The following DEK variants were observed in gnomAD, a reference collection of about 807,000 sequenced individuals.
DEK encodes the protein DEK proto-oncogene.
A neutral mutation model predicts 46.8 loss-of-function variants in DEK; 28 were observed. The ratio of observed to expected loss-of-function variants is 0.60; its 90% confidence interval spans 0.44 to 0.82. The LOEUF (loss-of-function observed/expected upper bound fraction) is 0.82. Among genes scored for constraint, DEK ranks in the 40% least tolerant of loss-of-function variants. The pLI is 0.00. For synonymous variants in DEK, 160 were observed against 144.5 expected, an observed-to-expected ratio of 1.11 and a Z score of -0.77; for missense variants, 416 against 430.6, an observed-to-expected ratio of 0.97 and a Z score of 0.30.
chr6:18,239,221 G>C (rs1260489758), intron 7 of DEK, among the ~76,000 whole-genome samples: 1 of 152,008 alleles, frequency 6.6e-6, no homozygotes, highest in African/African-American at 2.4e-5. Context: ...ACTGTGCCCG[G>C]CCAAGTCAAC....
chr6:18,263,257 T>C (rs1330977228), intron 2 of DEK, among the ~76,000 whole-genome samples: 5 of 152,222 alleles, frequency 3.3e-5, no homozygotes, highest in Non-Finnish European at 7.3e-5. Context: ...ACATTTAACT[T>C]TCTTTCAGAG....
chr6:18,226,869 C>G (rs776900249), intron 9 of DEK, among the ~76,000 whole-genome samples: 7 of 152,278 alleles, frequency 4.6e-5, no homozygotes, highest in Non-Finnish European at 1.0e-4. Flanking sequence ...ATTCTTCTGC[C>G]TTGAGATGCT....
intron 7 of DEK, among the ~76,000 whole-genome samples, chr6:18,239,357 TTTTTA>T (rs1280943105): frequency 6.9e-5 from 10 of 145,224 alleles, no homozygotes; most frequent in South Asian, 2.2e-4. Context: ...TTTTTTTTTT[TTTTTA>T]AAAAAAAGAG....
chr6:18,245,987 G>C (rs1791097865), intron 7 of DEK, among the ~76,000 whole-genome samples: 1 of 152,248 alleles, frequency 6.6e-6, no homozygotes, highest in East Asian at 1.9e-4. Flanking sequence ...CGTAAGATGG[G>C]TCTTTGCTCC....
chr6:18,229,808 G>T (rs1019537497), intron 9 of DEK, among the ~76,000 whole-genome samples: 1 of 152,140 alleles, frequency 6.6e-6, no homozygotes, highest in Non-Finnish European at 1.5e-5. Context: ...CACTCTTCAG[G>T]ATATTATCCA....
intron 7 of DEK, among the ~76,000 whole-genome samples, chr6:18,248,830 C>T (rs1791236506): frequency 6.6e-6 from 1 of 152,128 alleles, no homozygotes; most frequent in Non-Finnish European, 1.5e-5. Flanking sequence ...TTGGGAATAT[C>T]ACCCACAATT....
chr6:18,239,580 T>C (rs566525239), intron 7 of DEK, among the ~76,000 whole-genome samples: 16 of 152,202 alleles, frequency 1.1e-4, no homozygotes, highest in African/African-American at 3.6e-4. Flanking sequence ...CTGGGAAGCA[T>C]GTAGTTTAAC....
At chr6:18,230,409 C>T (rs886211274) in intron 9 of DEK, among the ~76,000 whole-genome samples, 4 of 152,142 alleles carry the variant, frequency 2.6e-5, no homozygotes, top group African/African-American at 9.7e-5. Flanking sequence ...GGGCTAAATG[C>T]TCCAATTAAA....
intron 6 of DEK, among the ~76,000 whole-genome samples, chr6:18,252,077 G>A (rs1487871343): frequency 6.6e-6 from 1 of 151,828 alleles, no homozygotes; most frequent in Non-Finnish European, 1.5e-5. Flanking sequence ...ATCTCTTTTT[G>A]GAAACAAAAT....
chr6:18,264,038 C>T, intron 1 of DEK, 42 bp from the exon 2 acceptor site: 1 of 1,545,386 alleles, frequency 6.5e-7, no homozygotes, highest in Middle Eastern at 1.8e-4. Context: ...TCCTCCTACT[C>T]CCGCAGGCAG....
At chr6:18,226,007 A>T in intron 10 of DEK, 167 bp downstream of exon 10, 1 of 776,656 alleles carries the variant, frequency 1.3e-6, no homozygotes, top group Non-Finnish European at 1.9e-6. Context: ...CTTTAATTTT[A>T]AGCTTTAAAG....
intron 6 of DEK, among the ~76,000 whole-genome samples, chr6:18,250,337 C>T (rs1268806234): frequency 3.3e-5 from 5 of 151,874 alleles, no homozygotes; most frequent in African/African-American, 7.3e-5. Flanking sequence ...GGCGTGGTGG[C>T]GGGCGCCTGT....
At chr6:18,226,127 TTTGTC>T (rs770929311) in intron 10 of DEK, 42 bp downstream of exon 10, 130 of 1,216,948 alleles carry the variant, frequency 1.1e-4, no homozygotes, top group Non-Finnish European at 1.3e-4. Flanking sequence ...TGTAATTACT[TTTGTC>T]TTATATTTCT....
At chr6:18,251,064 A>C (rs542090590) in intron 6 of DEK, among the ~76,000 whole-genome samples, 1 of 152,230 alleles carries the variant, frequency 6.6e-6, no homozygotes, top group Non-Finnish European at 1.5e-5. Flanking sequence ...CAATAAATTT[A>C]ATTTTTAAGT....
At position 18,225,588 on chromosome 6, in the gene DEK, G is replaced by T; in HGVS notation, c.*131C>A. On this transcript the variant is annotated 3_prime_UTR_variant, in exon 11 of 11. Transcript: ENST00000652689. ...ATTCACATAACACTCAAGATAAAAA[G>T]GTCAGCAGTAAGTTCTACTAACGTT... 1 of 927,990 alleles carries T rather than the reference G, an allele frequency of 1.1e-6. No individual in the cohort carries two copies. The highest frequency in any genetic ancestry group is 1.6e-6 in the Non-Finnish European group (1 of 635,598). 57.5% of individuals were successfully genotyped at this position (927,990 alleles called of 1,614,324 possible).
At position 18,226,179 on chromosome 6, in the gene DEK, T is replaced by C; in HGVS notation, c.1111A>G (p.Lys371Glu). Residue 371 changes from lysine (K) to glutamate (E), a missense_variant, in exon 10 of 11, where the codon AAA (lysine) becomes GAA (glutamate). Transcript: ENST00000652689. Reference protein sequence around the residue: ...ERKDFIKTTVKELIS With the variant: ...ERKDFIKTTVEELIS ...TGAAAGACTGAAATATTTACCTCTT[T>C]TACAGTTGTTTTTATGAAATCTTTT... 7.5e-7 allele frequency: 1 copy of C among 1,324,550 alleles called. No individual in the cohort carries two copies. Among genetic ancestry groups the C allele is most frequent in the Non-Finnish European group, 1.0e-6 (1 of 993,274 alleles). 82.0% of individuals were successfully genotyped at this position (1,324,550 alleles called of 1,614,324 possible).
chr6:18,259,392 CTCAAAAAAAAAAAAAAAA>C, intron 2 of DEK, among the ~76,000 whole-genome samples: 1 of 21,370 alleles, frequency 4.7e-5, no homozygotes, highest in Admixed American at 8.1e-4. Context: ...AAGACTCCGT[CTCAAAAAAAAAAAAAAAA>C]AAAAAAAAAA....
At chr6:18,252,448 G>GCAT (rs1444194394) in intron 6 of DEK, among the ~76,000 whole-genome samples, 8 of 130,674 alleles carry the variant, frequency 6.1e-5, no homozygotes, top group Admixed American at 9.3e-5. Flanking sequence ...GGTCAAGGTT[G>GCAT]CATTGAGCCA....
chr6:18,245,663 C>CT (rs1462259611), intron 7 of DEK, among the ~76,000 whole-genome samples: 2 of 152,136 alleles, frequency 1.3e-5, no homozygotes, highest in African/African-American at 2.4e-5. Flanking sequence ...CTATTTCCCC[C>CT]TTTTTTCTGT....
Sources: allele counts gnomAD v4.1 joint callset (sites outside exome capture counted in the v4.1 genomes callset), GRCh38; gene constraint gnomAD v4.1.1; transcripts MANE v1.5; gene names NCBI Gene and HGNC (gene_info 2026-07-23, HGNC 2026-07-21).